RHOA: variants seen among roughly 807,000 people sequenced by gnomAD.
RHOA encodes the protein transforming protein RhoA.
RHOA carries 3 observed loss-of-function variants against 17.5 expected under a neutral mutation model. That is an observed-to-expected ratio of 0.17 (90% CI 0.08 to 0.44). The LOEUF is 0.44. Ranked by LOEUF, RHOA falls within the 20% of genes least tolerant of loss-of-function variation. RHOA has a pLI of 0.99. For missense variants in RHOA, 56 were observed against 242.3 expected (o/e 0.23, Z 5.10); for synonymous variants, 98 against 88.4 (o/e 1.11, Z -0.61).
intron 3 of RHOA, chr3:49,366,842 C>T (rs916628272): frequency 2.6e-5 from 4 of 152,132 alleles, no homozygotes; most frequent in East Asian, 1.9e-4. Context: ...CCAGGCAACC[C>T]GAGGCCACAA....
intron 1 of RHOA, among the ~76,000 whole-genome samples, chr3:49,380,167 A>C (rs2048294111): frequency 6.6e-6 from 1 of 152,176 alleles, no homozygotes; most frequent in Non-Finnish European, 1.5e-5. Flanking sequence ...CCTGCTGCTT[A>C]AATCTAAAGT....
chr3:49,365,915 C>T (rs760364850), intron 3 of RHOA, among the ~76,000 whole-genome samples: 2 of 152,000 alleles, frequency 1.3e-5, no homozygotes, highest in South Asian at 2.1e-4. Flanking sequence ...ATTAACCAAG[C>T]GCAGCAGTGT....
At chr3:49,390,281 C>T (rs2048475827) in intron 1 of RHOA, among the ~76,000 whole-genome samples, 1 of 152,068 alleles carries the variant, frequency 6.6e-6, no homozygotes, top group South Asian at 2.1e-4. Context: ...ACTACAGGCA[C>T]CCGCCACCAC....
chr3:49,407,758 T>C (rs1229719929), intron 1 of RHOA, among the ~76,000 whole-genome samples: 1 of 152,108 alleles, frequency 6.6e-6, no homozygotes, highest in Non-Finnish European at 1.5e-5. Context: ...CCCACCTCTC[T>C]AACCTCTTTT....
At chr3:49,401,041 CA>C (rs57354041) in intron 1 of RHOA, among the ~76,000 whole-genome samples, 7,056 of 67,184 alleles carry the variant, frequency 0.11, 214 homozygotes, top group Middle Eastern at 0.12. Flanking sequence ...GACTCCGTCT[CA>C]AAAAAAAAAA....
At chr3:49,388,649 C>T (rs1264746822) in intron 1 of RHOA, among the ~76,000 whole-genome samples, 1 of 152,160 alleles carries the variant, frequency 6.6e-6, no homozygotes, top group Non-Finnish European at 1.5e-5. Flanking sequence ...GACCATGATG[C>T]TTACTCACAT....
rs1459168076 is a variant in RHOA, at chr3:49,411,940, G to T, written c.-123C>A. ...CCGTGGACTAACGAGAGAACCGACG[G>T]AGGACCGCGGGCGGCGGGAGGGTAG... On this transcript the variant is annotated 5_prime_UTR_variant, in exon 1 of 5. Transcript: ENST00000418115. The T allele has an allele frequency of 1.3e-5, 2 of 155,026 alleles. No individual in the cohort carries two copies. Among genetic ancestry groups the T allele is most frequent in the Non-Finnish European group, 2.9e-5 (2 of 69,950 alleles). 9.6% of individuals were successfully genotyped at this position (155,026 alleles called of 1,614,324 possible). A position where few individuals can be genotyped will look rare whatever the true frequency, so the allele number is the denominator to read the frequency against.
chr3:49,393,729 T>TGAGAGAGAGA (rs1259094624), intron 1 of RHOA, among the ~76,000 whole-genome samples: 4 of 136,752 alleles, frequency 2.9e-5, no homozygotes, highest in African/African-American at 2.8e-5. Context: ...TGTGTGTGTG[T>TGAGAGAGAGA]GACAGAATCT....
chr3:49,373,331 G>A (rs1439833924), intron 2 of RHOA: 1 of 199,712 alleles, frequency 5.0e-6, no homozygotes, highest in Non-Finnish European at 1.1e-5. Context: ...GTGATAGAGG[G>A]AGACTCTGTC....
intron 1 of RHOA, among the ~76,000 whole-genome samples, chr3:49,386,462 T>G (rs2107869289): frequency 6.6e-6 from 1 of 152,300 alleles, no homozygotes; most frequent in East Asian, 1.9e-4. Context: ...ATGAAGAAAC[T>G]GAGTATGGAA....
intron 1 of RHOA, among the ~76,000 whole-genome samples, chr3:49,402,417 G>A (rs1249569530): frequency 1.3e-5 from 2 of 152,130 alleles, no homozygotes; most frequent in Non-Finnish European, 2.9e-5. Flanking sequence ...TAGGCCGGGT[G>A]CAGTGGTTCA....
At chr3:49,398,342 G>C (rs754735952) in intron 1 of RHOA, among the ~76,000 whole-genome samples, 1 of 151,078 alleles carries the variant, frequency 6.6e-6, no homozygotes, top group Non-Finnish European at 1.5e-5. Flanking sequence ...AACAGAGCAA[G>C]ACTTTGTCAA....
intron 1 of RHOA, among the ~76,000 whole-genome samples, chr3:49,399,360 ACT>A (rs906120707): frequency 1.7e-4 from 24 of 143,614 alleles, no homozygotes; most frequent in African/African-American, 3.9e-4. Flanking sequence ...ACAGAGCGAG[ACT>A]CTGTCTCAAA....
At chr3:49,398,838 TCAAAAA>T (rs2048664827) in intron 1 of RHOA, among the ~76,000 whole-genome samples, 1 of 17,870 alleles carries the variant, frequency 5.6e-5, no homozygotes, top group African/African-American at 2.4e-4. Context: ...AGACTCCGTC[TCAAAAA>T]AAAAAAAAAA....
intron 1 of RHOA, among the ~76,000 whole-genome samples, chr3:49,393,188 G>C (rs2107883258): frequency 6.6e-6 from 1 of 152,012 alleles, no homozygotes. Flanking sequence ...AAAAAAATCA[G>C]GTATTTTAAA....
At chr3:49,390,672 T>G (rs1240976774) in intron 1 of RHOA, among the ~76,000 whole-genome samples, 1 of 152,184 alleles carries the variant, frequency 6.6e-6, no homozygotes, top group East Asian at 1.9e-4. Flanking sequence ...GAAAAACACG[T>G]GGCTTAATCC....
intron 1 of RHOA, among the ~76,000 whole-genome samples, chr3:49,383,225 A>C (rs562181182): frequency 6.6e-6 from 1 of 151,972 alleles, no homozygotes; most frequent in East Asian, 1.9e-4. Flanking sequence ...CGAGGTCAGG[A>C]GATCGAGACC....
At chr3:49,376,067 C>T (rs1199106096) in intron 1 of RHOA, among the ~76,000 whole-genome samples, 3 of 151,998 alleles carry the variant, frequency 2.0e-5, no homozygotes, top group Non-Finnish European at 4.4e-5. Context: ...TCTTGAACTC[C>T]TGACCTCAGG....
intron 1 of RHOA, among the ~76,000 whole-genome samples, chr3:49,391,693 T>A (rs748601583): frequency 2.6e-5 from 4 of 152,170 alleles, no homozygotes; most frequent in Middle Eastern, 3.4e-3. Context: ...GTATTTTTAG[T>A]AGAGACGGGG....
Sources: allele counts gnomAD v4.1 joint callset (sites outside exome capture counted in the v4.1 genomes callset), GRCh38; gene constraint gnomAD v4.1.1; transcripts MANE v1.5; gene names NCBI Gene and HGNC (gene_info 2026-07-23, HGNC 2026-07-21).